IL17REL: variants seen among roughly 807,000 people sequenced by gnomAD.
The protein encoded by IL17REL is interleukin-17 receptor E-like protein.
IL17REL carries 36 observed loss-of-function variants against 49.0 expected under a neutral mutation model. The observed-to-expected ratio is 0.73, with a 90% CI of 0.56 to 0.97. The LOEUF (loss-of-function observed/expected upper bound fraction) is 0.97, where lower values mean the gene tolerates loss of function less well. Ranked by LOEUF, IL17REL falls within the 50% of genes least tolerant of loss-of-function variation. The pLI is 0.00. For missense variants in IL17REL, 470 were observed against 453.9 expected (o/e 1.04, Z -0.32); for synonymous variants, 206 against 192.4 (o/e 1.07, Z -0.58).
chr22:50,004,143 A>G (rs1235444648), intron 1 of IL17REL, among the ~76,000 whole-genome samples: 1 of 152,032 alleles, frequency 6.6e-6, no homozygotes, highest in South Asian at 2.1e-4. Flanking sequence ...CAGTGGTGCG[A>G]TCTCGGCTCA....
At chr22:49,997,824 T>G in intron 9 of IL17REL, 82 bp from the exon 12 acceptor site, 1 of 1,483,432 alleles carries the variant, frequency 6.7e-7, no homozygotes, top group Non-Finnish European at 9.4e-7. Context: ...AGGGACAGGC[T>G]GGGTCAGCTT....
At chr22:49,999,458 G>T (rs760152952) in exon 6 of IL17REL, 1 of 1,611,704 alleles carries the variant, frequency 6.2e-7, no homozygotes, top group Non-Finnish European at 8.5e-7. Flanking sequence ...GCAGCTCCTG[G>T]CTGTAGGGCA....
upstream of IL17REL, among the ~76,000 whole-genome samples, chr22:50,012,320 T>G (rs550916551): frequency 1.2e-3 from 184 of 152,204 alleles, 1 homozygote; most frequent in African/African-American, 4.2e-3. Flanking sequence ...GGGTCCGAGG[T>G]GGGCTCACCC....
At chr22:49,999,629 G>T (rs9617028) in intron 5 of IL17REL, 127 bp from the exon 8 acceptor site, 1 of 615,160 alleles carries the variant, frequency 1.6e-6, no homozygotes, top group Non-Finnish European at 2.6e-6. Flanking sequence ...CCTGGCCGGG[G>T]GCGGGGCGCG....
chr22:49,992,308 C>T (rs929254940), downstream of IL17REL, among the ~76,000 whole-genome samples: 13 of 152,236 alleles, frequency 8.5e-5, no homozygotes, highest in Non-Finnish European at 1.5e-4. Context: ...AGCTGACTCT[C>T]GCTGCTCTTC....
intron 9 of IL17REL, 27 bp from the exon 12 acceptor site, chr22:49,997,769 A>C (rs1472499335): frequency 6.2e-7 from 1 of 1,611,660 alleles, no homozygotes; most frequent in East Asian, 2.2e-5. Context: ...GGGGTGCAGG[A>C]GGGTGGAGTG....
chr22:50,011,757 C>T (rs969508329), upstream of IL17REL, among the ~76,000 whole-genome samples: 4 of 152,170 alleles, frequency 2.6e-5, no homozygotes, highest in African/African-American at 9.7e-5. Context: ...AGCACTCCAG[C>T]CCTTGCTGCT....
chr22:50,008,425 C>A, intron 1 of IL17REL, among the ~76,000 whole-genome samples: 1 of 152,184 alleles, frequency 6.6e-6, no homozygotes, highest in Non-Finnish European at 1.5e-5. Flanking sequence ...GCAGGCCCAC[C>A]TCTGGCCAGG....
intron 1 of IL17REL, among the ~76,000 whole-genome samples, chr22:50,004,326 G>A (rs1039447514): frequency 1.3e-5 from 2 of 152,168 alleles, no homozygotes; most frequent in African/African-American, 4.8e-5. Flanking sequence ...TGATCCACCT[G>A]CCTCAGCCTC....
upstream of IL17REL, among the ~76,000 whole-genome samples, chr22:50,012,213 C>T (rs1056877315): frequency 7.9e-5 from 12 of 152,254 alleles, no homozygotes; most frequent in African/African-American, 2.6e-4. Context: ...TGCGGGCTCC[C>T]GATGGCTCAG....
intron 9 of IL17REL, 29 bp from the exon 12 acceptor site, chr22:49,997,771 G>A (rs2061045997): frequency 6.2e-7 from 1 of 1,610,860 alleles, no homozygotes; most frequent in Non-Finnish European, 8.5e-7. Context: ...GGTGCAGGAG[G>A]GTGGAGTGTG....
upstream of IL17REL, among the ~76,000 whole-genome samples, chr22:50,010,967 T>G (rs1193028120): frequency 1.4e-5 from 2 of 143,952 alleles, no homozygotes; most frequent in African/African-American, 5.1e-5. Context: ...CAAGCTCCCC[T>G]GCATGCGGCC....
intron 7 of IL17REL, among the ~76,000 whole-genome samples, chr22:49,998,948 T>C (rs2061056472): frequency 2.6e-5 from 4 of 151,912 alleles, no homozygotes; most frequent in Admixed American, 1.3e-4. Context: ...TATGGGCGTG[T>C]ATGTTCGTGG....
intron 4 of IL17REL, 31 bp downstream of exon 5, chr22:50,000,447 A>G (rs1321456751): frequency 1.3e-6 from 2 of 1,525,132 alleles, no homozygotes; most frequent in Non-Finnish European, 1.8e-6. Context: ...GCTGAACGGT[A>G]GCTGTGCTCA....
At chr22:50,003,725 T>C (rs541377583) in intron 1 of IL17REL, among the ~76,000 whole-genome samples, 2 of 152,200 alleles carry the variant, frequency 1.3e-5, no homozygotes, top group African/African-American at 4.8e-5. Context: ...TTTCCTCAAA[T>C]TGATAAAGAT....
intron 11 of IL17REL, 70 bp from the exon 14 acceptor site, chr22:49,997,144 C>T: frequency 1.4e-6 from 2 of 1,459,472 alleles, no homozygotes; most frequent in Non-Finnish European, 9.4e-7. Context: ...GTCCTTCTCC[C>T]ACATCCTCTC....
downstream of IL17REL, among the ~76,000 whole-genome samples, chr22:49,994,077 G>T (rs2061019447): frequency 6.7e-6 from 1 of 149,224 alleles, no homozygotes; most frequent in Admixed American, 6.7e-5. Context: ...CCATTCCCCT[G>T]ATCTCCAGGT....
chr22:50,011,035 C>T (rs554250525), upstream of IL17REL, among the ~76,000 whole-genome samples: 1 of 151,554 alleles, frequency 6.6e-6, no homozygotes, highest in Non-Finnish European at 1.5e-5. Flanking sequence ...TAGCCCCAGC[C>T]TCCCCTCCCT....
At chr22:49,999,989 G>A (rs772996736) in intron 4 of IL17REL, 22 bp from the exon 7 acceptor site, 1 of 1,490,250 alleles carries the variant, frequency 6.7e-7, no homozygotes, top group South Asian at 1.3e-5. Context: ...GGCAAGTCGG[G>A]GCCGCGCTGG....
Sources: allele counts gnomAD v4.1 joint callset (sites outside exome capture counted in the v4.1 genomes callset), GRCh38; gene constraint gnomAD v4.1.1; transcripts MANE v1.5; gene names NCBI Gene and HGNC (gene_info 2026-07-23, HGNC 2026-07-21).